The following PI4KA variants were observed in gnomAD, a reference collection of about 807,000 sequenced individuals.
PI4KA encodes phosphatidylinositol 4-kinase alpha.
A neutral mutation model predicts 271.4 loss-of-function variants in PI4KA; 122 were observed. The ratio of observed to expected loss-of-function variants is 0.45; its 90% CI spans 0.39 to 0.52. The LOEUF is 0.52. PI4KA is among the 20% of genes least tolerant of loss of function. The pLI, the probability that PI4KA is intolerant of heterozygous loss-of-function variation, is 0.00. For synonymous variants in PI4KA, 1,041 were observed against 1,078.8 expected, an observed-to-expected ratio of 0.96 and a Z score of 0.69; for missense variants, 1,969 against 2,769.1, an observed-to-expected ratio of 0.71 and a Z score of 6.48.
chr22:20,800,912 C>T (rs1366699569), intron 14 of PI4KA, among the ~76,000 whole-genome samples: 2 of 143,310 alleles, frequency 1.4e-5, no homozygotes, highest in African/African-American at 2.5e-5. Flanking sequence ...TTTTTTGAGA[C>T]GGAGTTTTGC....
intron 41 of PI4KA, 138 bp from the exon 42 acceptor site, chr22:20,726,679 A>C: frequency 1.4e-6 from 1 of 714,848 alleles, no homozygotes; most frequent in Non-Finnish European, 2.3e-6. Flanking sequence ...GGCAGGCAAA[A>C]TGACCGATGG....
intron 19 of PI4KA, chr22:20,784,288 T>C: frequency 6.2e-7 from 1 of 1,612,386 alleles, no homozygotes; most frequent in South Asian, 1.1e-5. Context: ...TCCCAGATGC[T>C]GGGGGTGTCT....
intron 18 of PI4KA, among the ~76,000 whole-genome samples, chr22:20,795,715 T>C (rs1229371181): frequency 6.6e-6 from 1 of 152,142 alleles, no homozygotes; most frequent in Non-Finnish European, 1.5e-5. Context: ...TTTATCTCAG[T>C]AGACCTGTCT....
intron 19 of PI4KA, among the ~76,000 whole-genome samples, chr22:20,770,428 G>A (rs1171178257): frequency 4.0e-5 from 6 of 148,554 alleles, no homozygotes; most frequent in Admixed American, 1.4e-4. Context: ...CAGGAGAATC[G>A]CTTGAACCCA....
intron 1 of PI4KA, among the ~76,000 whole-genome samples, chr22:20,856,893 G>A (rs925074240): frequency 2.0e-5 from 3 of 152,192 alleles, no homozygotes; most frequent in African/African-American, 7.2e-5. Flanking sequence ...ACCACTGCTG[G>A]AGCTGCAGGA....
intron 4 of PI4KA, among the ~76,000 whole-genome samples, chr22:20,823,044 G>C (rs374252306): frequency 6.6e-6 from 1 of 152,088 alleles, no homozygotes; most frequent in African/African-American, 2.4e-5. Context: ...CTCCCGAGTA[G>C]CTAGGATTAC....
At position 20,747,692 on chromosome 22, in the gene PI4KA, T is replaced by C; in HGVS notation, c.3254A>G (p.Asn1085Ser). 6.2e-7 allele frequency: 1 copy of C among 1,613,236 alleles called. No homozygotes were observed. Among genetic ancestry groups the C allele is most frequent in the Non-Finnish European group, 8.5e-7 (1 of 1,179,376 alleles). ...TCCCGATACCCAGTTCTGATGTTTGTTCAGATATTCCTGAAATAGGAAAAA... is the reference window on the plus strand; with the variant it reads ...TCCCGATACCCAGTTCTGATGTTTGCTCAGATATTCCTGAAATAGGAAAAA... ...VTKSHLQEYL[N>S]KHQNWVSGLS... The change falls in exon 29 of 55, where the codon AAC (asparagine) becomes AGC (serine). Residue 1085 changes from asparagine to serine, a missense_variant. This residue lies in a region of PI4KA where 368 missense variants were observed against 544.3 expected (regional missense o/e 0.68). Coordinates refer to ENST00000255882, the MANE Select transcript of PI4KA (RefSeq NM_058004.4).
rs1400542860 is a variant in PI4KA, at chr22:20,804,160, G to A, written c.1461+140C>T. ...CTCAGTGATGAACTGTGCACAGCAC[G>A]CACTGGTTAAAGCTCCTAAAGACAG... On this transcript the variant is annotated intron_variant, in intron 12 of 54. Transcript: ENST00000255882. The A allele has an allele frequency of 7.8e-6, 5 of 641,282 alleles. No homozygotes were observed. The East Asian group carries it at 8.2e-5, about 10-fold the overall frequency. 39.7% of individuals were successfully genotyped at this position (641,282 alleles called of 1,614,324 possible).
chr22:20,768,897 T>C (rs1932756679), intron 19 of PI4KA, among the ~76,000 whole-genome samples: 1 of 152,164 alleles, frequency 6.6e-6, no homozygotes, highest in African/African-American at 2.4e-5. Flanking sequence ...CCAGTTCAGC[T>C]AGTGGCCAAG....
Position 20,779,809 on chromosome 22 carries a change from C to T in PI4KA, c.2328+13384G>A, listed in dbSNP as rs748874753. 5 of 1,614,094 alleles carry T rather than the reference C, an allele frequency of 3.1e-6. No individual in the cohort carries two copies. In the Admixed American group the frequency reaches 8.3e-5, roughly 27 times the overall value. Reference sequence around the variant, plus strand: ...ATTTCTACTGCGATGGGTATGATTTCCTTAGGTCTGAAGGGAGAGACCCAT... The same window carrying T: ...ATTTCTACTGCGATGGGTATGATTTTCTTAGGTCTGAAGGGAGAGACCCAT... On this transcript the variant is annotated intron_variant, in intron 19 of 54. Coordinates refer to ENST00000255882, the MANE Select transcript of PI4KA (RefSeq NM_058004.4).
At chr22:20,836,979 A>G (rs1433367335) in intron 2 of PI4KA, among the ~76,000 whole-genome samples, 2 of 152,234 alleles carry the variant, frequency 1.3e-5, no homozygotes, top group East Asian at 3.8e-4. Flanking sequence ...TTGAACAACA[A>G]TAGTTTCTTA....
chr22:20,808,001 A>C (rs892976782), intron 9 of PI4KA, among the ~76,000 whole-genome samples: 2 of 152,310 alleles, frequency 1.3e-5, no homozygotes, highest in African/African-American at 4.8e-5. Flanking sequence ...AAGAAAGATA[A>C]TAGTCCAGCC....
At chr22:20,740,465 A>C (rs572145894) in intron 32 of PI4KA, among the ~76,000 whole-genome samples, 4,392 of 151,966 alleles carry the variant, frequency 0.029, 209 homozygotes, top group African/African-American at 0.099. Flanking sequence ...AGTAAAAAAA[A>C]AAAAGAAAAA....
At chr22:20,752,813 T>A (rs1930851346) in intron 25 of PI4KA, 90 bp downstream of exon 25, 6 of 1,379,816 alleles carry the variant, frequency 4.3e-6, no homozygotes. Context: ...TTTTCCTAGA[T>A]TAATAATATA....
chr22:20,745,065 A>G (rs1048688256), intron 29 of PI4KA, among the ~76,000 whole-genome samples: 5 of 152,222 alleles, frequency 3.3e-5, no homozygotes, highest in Non-Finnish European at 7.3e-5. Context: ...TTGCGTGTGC[A>G]GCTTATAAAT....
chr22:20,794,460 T>C (rs1197785152), intron 18 of PI4KA, among the ~76,000 whole-genome samples: 1 of 152,136 alleles, frequency 6.6e-6, no homozygotes, highest in East Asian at 1.9e-4. Context: ...ACTGAGGTGG[T>C]CCCAGCTGTG....
At chr22:20,805,714 C>G (rs538909824) in intron 10 of PI4KA, among the ~76,000 whole-genome samples, 1 of 151,710 alleles carries the variant, frequency 6.6e-6, no homozygotes, top group South Asian at 2.1e-4. Flanking sequence ...CGCCTGTAGT[C>G]CCAGCTACTC....
At chr22:20,715,862 T>C (rs1028653913) in intron 45 of PI4KA, among the ~76,000 whole-genome samples, 5 of 152,156 alleles carry the variant, frequency 3.3e-5, no homozygotes, top group East Asian at 1.9e-4. Context: ...TTTTAACAGC[T>C]ACAATACCTA....
chr22:20,814,807 A>G (rs1488419562), intron 7 of PI4KA, among the ~76,000 whole-genome samples: 1 of 152,018 alleles, frequency 6.6e-6, no homozygotes, highest in Admixed American at 6.6e-5. Context: ...CAATAAAAAA[A>G]AAAGAAGGAA....
Sources: gnomAD v4.1 joint callset for allele counts (sites outside exome capture counted in the v4.1 genomes callset) on GRCh38, gnomAD v4.1.1 for gene constraint, gnomAD v4.1.1 regional missense constraint, MANE v1.5 for transcripts, NCBI Gene and HGNC (gene_info 2026-07-23, HGNC 2026-07-21) for gene names.